The following SMYD3 variants were observed in gnomAD, a reference collection of about 807,000 sequenced individuals.
SMYD3 encodes SET and MYND domain containing 3.
A neutral mutation model predicts 57.7 loss-of-function variants in SMYD3; 36 were observed. The observed-to-expected ratio is 0.62, with a 90% CI of 0.48 to 0.82. The LOEUF (loss-of-function observed/expected upper bound fraction) is 0.82. SMYD3 is among the 40% of genes least tolerant of loss of function. The pLI is 0.00. For missense variants in SMYD3, 515 were observed against 538.8 expected (o/e 0.96, Z 0.44); for synonymous variants, 211 against 195.0 (o/e 1.08, Z -0.68).
At chr1:246,262,944 G>C (rs960247104) in intron 5 of SMYD3, among the ~76,000 whole-genome samples, 1 of 152,134 alleles carries the variant, frequency 6.6e-6, no homozygotes, top group Non-Finnish European at 1.5e-5. Context: ...TCATGGAAAG[G>C]AAGCCTGACA....
chr1:245,873,214 T>TC (rs2052312488), intron 8 of SMYD3, among the ~76,000 whole-genome samples: 1 of 151,984 alleles, frequency 6.6e-6, no homozygotes, highest in Non-Finnish European at 1.5e-5. Context: ...GCTTGCACCC[T>TC]CCCCCCATAC....
chr1:246,406,761 T>C (rs191275769), intron 1 of SMYD3, among the ~76,000 whole-genome samples: 103 of 152,356 alleles, frequency 6.8e-4, no homozygotes, highest in Non-Finnish European at 1.4e-3. Flanking sequence ...ACAGTGTCAC[T>C]GGCTCCAAAA....
rs1402101192 is a variant in SMYD3, at chr1:246,192,905, C to CA, written c.531+134295dup. ...CTTTTAAAAAGGTAAAAGGTAAAGT[C>CA]AAAAAAAAAAAAGAAATGTAGTTAC... On this transcript the variant is annotated intron_variant, in intron 5 of 11. Coordinates refer to ENST00000490107, the MANE Select transcript of SMYD3 (RefSeq NM_001167740.2). 4.6e-3 allele frequency among the ~76,000 whole-genome samples: 553 copies of CA among 121,348 alleles called. 4 individuals carry two copies. The highest frequency in any genetic ancestry group is 5.0e-3 in the Non-Finnish European group (278 of 56,144). 79.6% of individuals were successfully genotyped at this position (121,348 alleles called of 152,430 possible). A position where few individuals can be genotyped will look rare whatever the true frequency, so the allele number is the denominator to read the frequency against.
intron 10 of SMYD3, among the ~76,000 whole-genome samples, chr1:245,857,975 C>T (rs2051338201): frequency 6.6e-6 from 1 of 152,214 alleles, no homozygotes; most frequent in Non-Finnish European, 1.5e-5. Flanking sequence ...GCAGGGCCGT[C>T]TCCCTGCTGT....
chr1:246,272,088 T>G (rs2064234396), intron 5 of SMYD3, among the ~76,000 whole-genome samples: 1 of 152,216 alleles, frequency 6.6e-6, no homozygotes, highest in Non-Finnish European at 1.5e-5. Flanking sequence ...TGTTCACTGT[T>G]TGTTTGTGTA....
intron 1 of SMYD3, among the ~76,000 whole-genome samples, chr1:246,367,858 T>C (rs571286046): frequency 3.3e-5 from 5 of 152,364 alleles, no homozygotes; most frequent in African/African-American, 1.2e-4. Flanking sequence ...GATATTGATA[T>C]TATTTTTTAC....
chr1:246,129,508 A>G (rs926117552), intron 5 of SMYD3, among the ~76,000 whole-genome samples: 3 of 151,940 alleles, frequency 2.0e-5, no homozygotes, highest in Non-Finnish European at 4.4e-5. Context: ...TCTTTGAGGG[A>G]CTGACCTTTC....
intron 5 of SMYD3, among the ~76,000 whole-genome samples, chr1:246,170,436 A>G (rs2062310026): frequency 6.6e-6 from 1 of 151,734 alleles, no homozygotes. Flanking sequence ...GCTATTAAAA[A>G]AAAGTATAAT....
At chr1:246,240,118 G>C (rs1216062053) in intron 5 of SMYD3, among the ~76,000 whole-genome samples, 1 of 152,034 alleles carries the variant, frequency 6.6e-6, no homozygotes, top group East Asian at 1.9e-4. Context: ...GTCTACTTTG[G>C]CTTTTGTTTC....
At chr1:246,076,586 A>C (rs974328645) in intron 5 of SMYD3, among the ~76,000 whole-genome samples, 4 of 152,218 alleles carry the variant, frequency 2.6e-5, no homozygotes, top group African/African-American at 9.6e-5. Flanking sequence ...TGATAGCCAA[A>C]ATAGTAAAAA....
At position 246,048,937 on chromosome 1, in the gene SMYD3, AAACAGGAGG is replaced by A. The variant is rs1572942942; in HGVS notation, c.532-119009_532-119001del. On this transcript the variant is annotated intron_variant, in intron 5 of 11. Transcript: ENST00000490107. ...TGTCCATCTGGGATGGTTTTTGTCCAAACAGGAGGCGATAGTTATTAATTAAGGAAGCGA... is the reference window on the plus strand; with the variant it reads ...TGTCCATCTGGGATGGTTTTTGTCCACGATAGTTATTAATTAAGGAAGCGA... Among the ~76,000 whole-genome samples, 3 of 152,238 alleles carry A rather than the reference AAACAGGAGG, an allele frequency of 2.0e-5. No homozygotes were observed. In the East Asian group the frequency reaches 5.8e-4, roughly 29 times the overall value.
At chr1:246,175,987 A>G (rs751900839) in intron 5 of SMYD3, among the ~76,000 whole-genome samples, 1 of 152,216 alleles carries the variant, frequency 6.6e-6, no homozygotes, top group Non-Finnish European at 1.5e-5. Flanking sequence ...TCAAGTTACC[A>G]CATCTTCCAT....
At chr1:246,131,518 T>A (rs1172876599) in intron 5 of SMYD3, among the ~76,000 whole-genome samples, 1 of 152,200 alleles carries the variant, frequency 6.6e-6, no homozygotes, top group Non-Finnish European at 1.5e-5. Flanking sequence ...AAGGAAAGAA[T>A]ATACATTTCC....
intron 5 of SMYD3, among the ~76,000 whole-genome samples, chr1:246,138,692 TG>T (rs2061704542): frequency 9.5e-6 from 1 of 105,206 alleles, no homozygotes; most frequent in Non-Finnish European, 2.8e-5. Context: ...CCCAAAGTGC[TG>T]GGATTACAGG....
At chr1:246,452,430 T>C (rs2103030246) in intron 1 of SMYD3, among the ~76,000 whole-genome samples, 2 of 152,244 alleles carry the variant, frequency 1.3e-5, no homozygotes, top group East Asian at 3.9e-4. Flanking sequence ...TGAACTCGTT[T>C]GGGAGGTGGA....
At position 246,143,156 on chromosome 1, in the gene SMYD3, CACACACACAA is replaced by C. The variant is rs1379126863; in HGVS notation, c.531+184035_531+184044del. ...ACACACACACACACACACACACACACACACACACAAACATGCATCCTCCAATTAGACTAAC... is the reference window on the plus strand; with the variant it reads ...ACACACACACACACACACACACACACACATGCATCCTCCAATTAGACTAAC... On this transcript the variant is annotated intron_variant, in intron 5 of 11. Transcript: ENST00000490107. Among the ~76,000 whole-genome samples the C allele has an allele frequency of 1.3e-3, 189 of 147,972 alleles. 1 individual carries two copies. The highest frequency in any genetic ancestry group is 8.1e-3 in the South Asian group (38 of 4,684).
chr1:246,428,664 A>G (rs1298226117), intron 1 of SMYD3, among the ~76,000 whole-genome samples: 1 of 152,256 alleles, frequency 6.6e-6, no homozygotes, highest in East Asian at 1.9e-4. Context: ...TCTAGACCAG[A>G]GCCCATGCTC....
chr1:245,794,755 C>T (rs1232314440), intron 10 of SMYD3, among the ~76,000 whole-genome samples: 1 of 152,152 alleles, frequency 6.6e-6, no homozygotes, highest in Admixed American at 6.6e-5. Flanking sequence ...ACCACTATCT[C>T]TTAATTCAAT....
chr1:246,185,449 CTTTTT>C (rs1183038960), intron 5 of SMYD3, among the ~76,000 whole-genome samples: 4 of 80,060 alleles, frequency 5.0e-5, no homozygotes, highest in African/African-American at 2.3e-4. Flanking sequence ...GTTAGTGATT[CTTTTT>C]TTTTTTTTTT....
Sources: allele counts gnomAD v4.1 joint callset (sites outside exome capture counted in the v4.1 genomes callset), GRCh38; gene constraint gnomAD v4.1.1; transcripts MANE v1.5; gene names NCBI Gene and HGNC (gene_info 2026-07-23, HGNC 2026-07-21).